Variants in SLC35A3 observed in about 807,000 individuals in gnomAD.
The protein encoded by SLC35A3 is solute carrier family 35 member A3, also known as UDP-N-acetylglucosamine transporter.
A neutral mutation model predicts 39.0 loss-of-function variants in SLC35A3; 26 were observed. That is an observed-to-expected ratio of 0.67 (90% CI 0.49 to 0.92). The LOEUF (loss-of-function observed/expected upper bound fraction) is 0.92, where lower values mean the gene tolerates loss of function less well. SLC35A3 is among the 40% of genes least tolerant of loss of function. SLC35A3 has a pLI of 0.00. For missense variants in SLC35A3, 299 were observed against 371.6 expected, an observed-to-expected ratio of 0.80 and a Z score of 1.61; for synonymous variants, 135 against 133.1, an observed-to-expected ratio of 1.01 and a Z score of -0.10.
intron 4 of SLC35A3, chr1:100,009,378 G>A (rs981684410): frequency 6.6e-6 from 1 of 152,214 alleles, no homozygotes; most frequent in African/African-American, 2.4e-5. Context: ...ATAAGTTAAG[G>A]AGTGGTAATA....
intron 5 of SLC35A3, among the ~76,000 whole-genome samples, chr1:100,014,396 T>A (rs1037228217): frequency 2.0e-5 from 3 of 152,064 alleles, no homozygotes; most frequent in Admixed American, 6.6e-5. Flanking sequence ...AATTTAAAAA[T>A]TTTTTTGTAG....
intron 2 of SLC35A3, among the ~76,000 whole-genome samples, chr1:99,997,410 T>TTTTATATA (rs1658470104): frequency 4.3e-5 from 4 of 92,104 alleles, no homozygotes; most frequent in South Asian, 9.9e-4. Flanking sequence ...ATATATAGTT[T>TTTTATATA]TATATATATA....
chr1:100,010,416 G>A (rs1251232215), intron 4 of SLC35A3, among the ~76,000 whole-genome samples: 1 of 152,098 alleles, frequency 6.6e-6, no homozygotes, highest in African/African-American at 2.4e-5. Context: ...AGCTAGTTTG[G>A]GCATGGTGGC....
rs1294717152 is a variant in SLC35A3 at position 100,030,572 on chromosome 1, A to C, written c.*8096A>C. 3 of 152,248 alleles carry C rather than the reference A, an allele frequency of 2.0e-5. No homozygotes were observed. The highest frequency in any genetic ancestry group is 4.1e-4 in the South Asian group (2 of 4,832). 9.4% of individuals were successfully genotyped at this position (152,248 alleles called of 1,614,324 possible). On this transcript the variant is annotated 3_prime_UTR_variant, in exon 8 of 8. Transcript: ENST00000533028. ...TTCTTCTTTAAGGGTGACCCAGGGA[A>C]GCCAAAAGATTGGACACCCCAGCTT...
chr1:99,976,766 T>C (rs933974616), intron 1 of SLC35A3, among the ~76,000 whole-genome samples: 1 of 152,098 alleles, frequency 6.6e-6, no homozygotes, highest in African/African-American at 2.4e-5. Flanking sequence ...TGAGTACATA[T>C]GAACACAAAG....
chr1:100,009,751 G>T (rs1415634427), intron 4 of SLC35A3, among the ~76,000 whole-genome samples: 1 of 152,216 alleles, frequency 6.6e-6, no homozygotes, highest in Non-Finnish European at 1.5e-5. Context: ...CATAGAGAAT[G>T]GAGAGCAAGG....
At position 100,027,021 on chromosome 1, in the gene SLC35A3, A is replaced by G; in HGVS notation, c.*4545A>G. The G allele has an allele frequency of 2.5e-6, 1 of 395,524 alleles. No homozygotes were observed. The allele number at this position is 395,524 out of a possible 1,614,324, so 24.5% of individuals were successfully genotyped here. ...CTTATTTTCCTATTTACCTGTGTCTATGACCTAACCTATGAATTAGTCTTC... is the reference window on the plus strand; with the variant it reads ...CTTATTTTCCTATTTACCTGTGTCTGTGACCTAACCTATGAATTAGTCTTC... On this transcript the variant is annotated 3_prime_UTR_variant, in exon 8 of 8. Transcript: ENST00000533028.
At chr1:99,977,686 G>A (rs1570564760) in intron 1 of SLC35A3, among the ~76,000 whole-genome samples, 1 of 152,082 alleles carries the variant, frequency 6.6e-6, no homozygotes, top group Non-Finnish European at 1.5e-5. Context: ...ATAGGCACAC[G>A]CCACAATATC....
Position 100,017,798 on chromosome 1 carries a change from A to G in SLC35A3, c.870A>G (p.Gln290=). The change falls in exon 7 of 8, where the codon CAA becomes CAG. Residue 290 remains glutamine, a synonymous_variant. Coordinates refer to ENST00000533028, the MANE Select transcript of SLC35A3 (RefSeq NM_012243.3). ...CATTGATCTCCTATTTTTGGCTTCA[A>G]GATTTTGTGCCAACCAGGTAAAATG... ...LSTLISYFWL[Q]DFVPTSVFFL... 6.4e-7 allele frequency: 1 copy of G among 1,567,776 alleles called. No individual in the cohort carries two copies. Among genetic ancestry groups the G allele is most frequent in the Non-Finnish European group, 8.6e-7 (1 of 1,161,962 alleles).
Position 100,029,900 on chromosome 1 carries a change from ACTT to A in SLC35A3, c.*7428_*7430del, listed in dbSNP as rs1046902219. On this transcript the variant is annotated 3_prime_UTR_variant, in exon 8 of 8. Transcript: ENST00000533028. ...AGCATAGTATTGTCATTTAGTTTTCACTTCTTATGTTTAATGACAACTTTATAA... is the reference window on the plus strand; with the variant it reads ...AGCATAGTATTGTCATTTAGTTTTCACTTATGTTTAATGACAACTTTATAA... 5.3e-5 allele frequency: 8 copies of A among 152,052 alleles called. No individual in the cohort carries two copies. Among genetic ancestry groups the A allele is most frequent in the Non-Finnish European group, 8.8e-5 (6 of 68,014 alleles). The allele number at this position is 152,052 out of a possible 1,614,324, so 9.4% of individuals were successfully genotyped here.
intron 1 of SLC35A3, among the ~76,000 whole-genome samples, chr1:99,982,333 T>C (rs895202914): frequency 1.3e-5 from 2 of 152,132 alleles, no homozygotes; most frequent in African/African-American, 2.4e-5. Context: ...GAATATAAAT[T>C]ATTAGTATAT....
rs1660903689 is a variant in SLC35A3, at chr1:100,026,195, A to G, written c.*3719A>G. 6.6e-6 allele frequency: 1 copy of G among 152,204 alleles called. No homozygotes were observed. The highest frequency in any genetic ancestry group is 2.4e-5 in the African/African-American group (1 of 41,472). The allele number at this position is 152,204 out of a possible 1,614,324, so 9.4% of individuals were successfully genotyped here. A position where few individuals can be genotyped will look rare whatever the true frequency, so the allele number is the denominator to read the frequency against. ...TATTGAACTTTAAAAATTTCATTGT[A>G]TAGTCATTAAACTGAGTTGGGTTTT... On this transcript the variant is annotated 3_prime_UTR_variant, in exon 8 of 8. Coordinates refer to ENST00000533028, the MANE Select transcript of SLC35A3 (RefSeq NM_012243.3).
At chr1:100,013,321 A>G (rs919567775) in intron 5 of SLC35A3, among the ~76,000 whole-genome samples, 2 of 151,160 alleles carry the variant, frequency 1.3e-5, no homozygotes, top group Non-Finnish European at 2.9e-5. Flanking sequence ...TTAAAAATAT[A>G]TATATATAAG....
At chr1:99,976,529 C>T (rs1285139852) in intron 1 of SLC35A3, among the ~76,000 whole-genome samples, 1 of 152,132 alleles carries the variant, frequency 6.6e-6, no homozygotes, top group Non-Finnish European at 1.5e-5. Flanking sequence ...TTTCACAGCA[C>T]TATTCACAAT....
intron 1 of SLC35A3, among the ~76,000 whole-genome samples, chr1:99,976,025 A>G (rs928707531): frequency 1.3e-5 from 2 of 152,308 alleles, no homozygotes; most frequent in Admixed American, 1.3e-4. Flanking sequence ...ACAGCACTGC[A>G]GTCCAGCCTG....
Position 99,999,411 on chromosome 1 carries a change from A to T in SLC35A3, c.338A>T (p.Tyr113Phe). Residue 113 changes from tyrosine to phenylalanine, a missense_variant, in exon 3 of 8, where the codon TAT becomes TTT. Transcript: ENST00000533028. ...CTATCAAATCTAGATGCAGCTACTTATCAGGTACTTAAAATACATTTCTTT... is the reference window on the plus strand; with the variant it reads ...CTATCAAATCTAGATGCAGCTACTTTTCAGGTACTTAAAATACATTTCTTT... ...VALSNLDAAT[Y>F]QVTYQLKILT... 6.3e-7 allele frequency: 1 copy of T among 1,577,728 alleles called. No individual in the cohort carries two copies. Among genetic ancestry groups the T allele is most frequent in the Non-Finnish European group, 8.6e-7 (1 of 1,167,452 alleles).
At chr1:99,971,559 G>A (rs1047383053) in intron 1 of SLC35A3, among the ~76,000 whole-genome samples, 1 of 152,178 alleles carries the variant, frequency 6.6e-6, no homozygotes, top group African/African-American at 2.4e-5. Context: ...CACCCACCTC[G>A]GCCTCTCAAA....
chr1:99,999,311 A>G lies in SLC35A3; in HGVS notation c.238A>G (p.Lys80Glu). 1.3e-6 allele frequency: 2 copies of G among 1,593,986 alleles called. No individual in the cohort carries two copies. Among genetic ancestry groups the G allele is most frequent in the Non-Finnish European group, 1.7e-6 (2 of 1,169,730 alleles). ...AGTACTACATGATGAAATTCTTAATAAACCTATGGAAACACTTAAACTTGC... is the reference window on the plus strand; with the variant it reads ...AGTACTACATGATGAAATTCTTAATGAACCTATGGAAACACTTAAACTTGC... Reference protein sequence around the residue: ...NRVLHDEILNKPMETLKLAIP... With the variant: ...NRVLHDEILNEPMETLKLAIP... Residue 80 changes from lysine to glutamate, a missense_variant, in exon 3 of 8, where the codon AAA becomes GAA. Physicochemically the swap from Lys to Glu is moderately conservative, Grantham distance 56. Transcript: ENST00000533028.
chr1:100,004,046 A>T (rs1279740770), intron 3 of SLC35A3, among the ~76,000 whole-genome samples: 2 of 152,204 alleles, frequency 1.3e-5, no homozygotes. Context: ...TGTAGTTAAC[A>T]TATGATTTTT....
Sources: gnomAD v4.1 joint callset for allele counts (sites outside exome capture counted in the v4.1 genomes callset) on GRCh38, gnomAD v4.1.1 for gene constraint, MANE v1.5 for transcripts, NCBI Gene and HGNC (gene_info 2026-07-23, HGNC 2026-07-21) for gene names.